PITRM1: variants seen among roughly 807,000 people sequenced by gnomAD.
The protein encoded by PITRM1 is presequence protease, mitochondrial.
PITRM1 carries 100 observed loss-of-function variants against 129.9 expected under a neutral mutation model. The observed-to-expected ratio is 0.77, with a 90% CI of 0.65 to 0.91. PITRM1 has a LOEUF of 0.91. Among genes scored for constraint, PITRM1 ranks in the 40% least tolerant of loss-of-function variants. The probability of loss-of-function intolerance (pLI) is 0.00; values close to 1 mark genes in which losing one functional copy is unlikely to be tolerated. For synonymous variants in PITRM1, 591 were observed against 508.8 expected (o/e 1.16, Z -2.17); for missense variants, 1,471 against 1,318.3 (o/e 1.12, Z -1.79).
rs764506870 is a variant in PITRM1, at chr10:3,159,902, A to G, written c.953T>C (p.Phe318Ser). ...EFQITCGPDS[F>S]ATDPSKQTTI... ...TGTTTGTTTAGAGGGATCTGTAGCA[A>G]ATGAATCCGGGCCACATGTTATCTG... is the stretch of plus-strand genomic sequence containing the variant. The change falls in exon 9 of 27, where the codon TTT becomes TCT. Residue 318 changes from phenylalanine (F) to serine (S), a missense_variant. By Grantham distance (155) the Phe-to-Ser change is radical (BLOSUM62 -2). Coordinates refer to ENST00000224949, the MANE Select transcript of PITRM1 (RefSeq NM_014889.4). 24 of 1,605,018 alleles carry G rather than the reference A, an allele frequency of 1.5e-5. No individual in the cohort carries two copies. Among genetic ancestry groups the G allele is most frequent in the Middle Eastern group, 1.7e-4 (1 of 6,052 alleles).
intron 6 of PITRM1, 101 bp from the exon 7 acceptor site, chr10:3,163,986 C>T (rs951738247): frequency 2.0e-5 from 13 of 658,622 alleles, no homozygotes; most frequent in Non-Finnish European, 2.1e-5. Context: ...GGTGCATACA[C>T]CTGTAATACT....
At chr10:3,143,302 C>G in intron 23 of PITRM1, 87 bp downstream of exon 23, 1 of 830,428 alleles carries the variant, frequency 1.2e-6, no homozygotes, top group Non-Finnish European at 2.0e-6. Context: ...TTTTCCTGTG[C>G]TAAAACACGC....
At chr10:3,149,873 G>C (rs559707279) in intron 15 of PITRM1, 120 bp from the exon 16 acceptor site, 3 of 1,031,716 alleles carry the variant, frequency 2.9e-6, no homozygotes, top group African/African-American at 3.2e-5. Context: ...ACTTATACTA[G>C]AGTTTATATA....
chr10:3,144,746 A>G (rs1840671738), intron 21 of PITRM1, among the ~76,000 whole-genome samples: 1 of 152,204 alleles, frequency 6.6e-6, no homozygotes, highest in Non-Finnish European at 1.5e-5. Flanking sequence ...TCACGGCTAC[A>G]GCTAGTTGTA....
intron 16 of PITRM1, chr10:3,148,553 T>C (rs1841163689): frequency 2.3e-6 from 1 of 432,046 alleles, no homozygotes; most frequent in African/African-American, 2.0e-5. Context: ...GGGCAGCCAG[T>C]GTCTGCACTT....
chr10:3,165,227 A>G lies in PITRM1; in HGVS notation c.630+11T>C, dbSNP rs767525803. On this transcript the variant is annotated intron_variant, in intron 6 of 26. Transcript: ENST00000224949. ...AAGCTGAACACAACATAAAAAAGGA[A>G]GAAAACTTACAAACGCTCCCTTCAT... is the stretch of plus-strand genomic sequence containing the variant. The G allele has an allele frequency of 2.6e-6, 4 of 1,536,796 alleles. No individual in the cohort carries two copies. The highest frequency in any genetic ancestry group is 3.5e-6 in the Non-Finnish European group (4 of 1,141,512).
At chr10:3,144,739 C>A (rs189911243) in intron 21 of PITRM1, among the ~76,000 whole-genome samples, 1 of 152,028 alleles carries the variant, frequency 6.6e-6, no homozygotes, top group East Asian at 1.9e-4. Flanking sequence ...CAGGAGGTCA[C>A]GGCTACAGCT....
rs1298689981 is a variant in PITRM1, at chr10:3,147,239, C to G, written c.2247G>C (p.Met749Ile). Residue 749 changes from methionine to isoleucine, a missense_variant, in exon 20 of 27, where the codon ATG becomes ATC. Transcript: ENST00000224949. ...TATCTGTCATTTCTGCAATCCTCTT[C>G]ATCAGCCGCACCTAAGCCAGAGGAA... is the stretch of plus-strand genomic sequence containing the variant. ...TFSGMDQVRL[M>I]KRIAEMTDIK... 6.2e-7 allele frequency: 1 copy of G among 1,612,080 alleles called. No individual in the cohort carries two copies. The highest frequency in any genetic ancestry group is 8.5e-7 in the Non-Finnish European group (1 of 1,178,332).
chr10:3,139,251 G>A (rs1417938683), intron 24 of PITRM1, among the ~76,000 whole-genome samples: 3 of 151,988 alleles, frequency 2.0e-5, no homozygotes, highest in Non-Finnish European at 2.9e-5. Flanking sequence ...CTTTCAACAT[G>A]TTCTCCCTCT....
intron 16 of PITRM1, chr10:3,148,564 A>C: frequency 2.5e-6 from 1 of 404,832 alleles, no homozygotes; most frequent in Non-Finnish European, 4.4e-6. Context: ...GTCTGCACTT[A>C]AAACACCATT....
rs113146084 is a variant in PITRM1, at chr10:3,164,118, T to C, written c.631-233A>G. 963 of 253,260 alleles carry C rather than the reference T, an allele frequency of 3.8e-3. 11 individuals are homozygous for C. Among genetic ancestry groups the C allele is most frequent in the African/African-American group, 0.021 (929 of 43,970 alleles). The allele number at this position is 253,260 out of a possible 1,614,324, so 15.7% of individuals were successfully genotyped here. ...AGGACCCAAGGATTGAGAAGAACAA[T>C]GGATTTTTTGATGTGTGGTGCAACA... On this transcript the variant is annotated intron_variant, in intron 6 of 26. Transcript: ENST00000224949.
chr10:3,156,832 G>A lies in PITRM1; in HGVS notation c.1482+98C>T, dbSNP rs796402169. The stretch of plus-strand genomic sequence containing the variant: ...TTAGAAATTAAGTCACCCATTAACA[G>A]AAATTACTTAAATGTATAGATTATG... On this transcript the variant is annotated intron_variant, in intron 13 of 26. Coordinates refer to ENST00000224949, the MANE Select transcript of PITRM1 (RefSeq NM_014889.4). The A allele has an allele frequency of 2.0e-5, 15 of 745,726 alleles. No homozygotes were observed. In the East Asian group the frequency reaches 2.9e-4, roughly 14 times the overall value. 46.2% of individuals were successfully genotyped at this position (745,726 alleles called of 1,614,324 possible). A position where few individuals can be genotyped will look rare whatever the true frequency, so the allele number is the denominator to read the frequency against.
At chr10:3,159,705 C>A (rs763936112) in intron 9 of PITRM1, 143 bp downstream of exon 9, 11 of 544,602 alleles carry the variant, frequency 2.0e-5, no homozygotes, top group South Asian at 8.5e-5. Context: ...ACATTTTGTT[C>A]TCTATTCCTA....
rs538624198 is a variant in PITRM1, at chr10:3,138,534, G to A, written c.2918-197C>T. The A allele has an allele frequency of 1.6e-4, 100 of 613,086 alleles. No homozygotes were observed. The African/African-American group carries it at 1.6e-3, about 10-fold the overall frequency. 38.0% of individuals were successfully genotyped at this position (613,086 alleles called of 1,614,324 possible). ...ACGTGCCACGCTGACCCCTACCCAC[G>A]CCTGCTTCTGCAGCAGGGATGCAGT... On this transcript the variant is annotated intron_variant, in intron 25 of 26. Transcript: ENST00000224949.
At chr10:3,161,074 G>A (rs557193274) in intron 7 of PITRM1, among the ~76,000 whole-genome samples, 28 of 152,084 alleles carry the variant, frequency 1.8e-4, no homozygotes, top group African/African-American at 6.5e-4. Context: ...TAATTTTTAA[G>A]TTTTAGAGGT....
At chr10:3,171,356 G>A (rs1843340553) in intron 1 of PITRM1, among the ~76,000 whole-genome samples, 1 of 143,454 alleles carries the variant, frequency 7.0e-6, no homozygotes, top group Admixed American at 7.0e-5. Flanking sequence ...AAAAAAGCAA[G>A]GACATTTCTG....
chr10:3,172,817 CGACGCAG>C (rs1175179877), upstream of PITRM1: 16 of 1,525,066 alleles, frequency 1.0e-5, no homozygotes, highest in Non-Finnish European at 1.4e-5. Context: ...CCTCTTAACC[CGACGCAG>C]GGCGCGGGGC....
At chr10:3,143,582 A>C in intron 22 of PITRM1, 81 bp from the exon 23 acceptor site, 1 of 974,822 alleles carries the variant, frequency 1.0e-6, no homozygotes, top group Non-Finnish European at 1.6e-6. Context: ...CTCAGGGGTC[A>C]GAGGCGGCTG....
intron 16 of PITRM1, 142 bp from the exon 17 acceptor site, chr10:3,148,433 T>G (rs1841146534): frequency 9.5e-7 from 1 of 1,048,004 alleles, no homozygotes; most frequent in Non-Finnish European, 1.4e-6. Context: ...TCGAAGGTCA[T>G]AAGCAGGTGC....
Sources: allele counts gnomAD v4.1 joint callset (sites outside exome capture counted in the v4.1 genomes callset), GRCh38; gene constraint gnomAD v4.1.1; transcripts MANE v1.5; gene names NCBI Gene and HGNC (gene_info 2026-07-23, HGNC 2026-07-21).